The following RASEF variants were observed in gnomAD, a reference collection of about 807,000 sequenced individuals.
The protein encoded by RASEF is RAS and EF-hand domain containing, also known as ras and EF-hand domain-containing protein.
In RASEF, 68 loss-of-function variants were observed where a neutral mutation model predicts 90.1. That is an observed-to-expected ratio of 0.75 (90% CI 0.62 to 0.92). The LOEUF (loss-of-function observed/expected upper bound fraction) is 0.92, where lower values mean the gene tolerates loss of function less well. Ranked by LOEUF, RASEF falls within the 40% of genes least tolerant of loss-of-function variation. The pLI is 0.00. For synonymous variants in RASEF, 331 were observed against 345.2 expected, an observed-to-expected ratio of 0.96 and a Z score of 0.46; for missense variants, 949 against 937.2, an observed-to-expected ratio of 1.01 and a Z score of -0.16.
chr9:83,210,308 T>C, the RASEF span, among the ~76,000 whole-genome samples: 1 of 152,226 alleles, frequency 6.6e-6, no homozygotes, highest in African/African-American at 2.4e-5. Flanking sequence ...TTCTAGTACA[T>C]TTTAAATGGC....
At chr9:83,176,351 C>A in the RASEF span, among the ~76,000 whole-genome samples, 1 of 152,124 alleles carries the variant, frequency 6.6e-6, no homozygotes, top group Non-Finnish European at 1.5e-5. Context: ...ATAACTTTTT[C>A]ACCTTTTTAT....
chr9:83,216,494 G>T, the RASEF span, among the ~76,000 whole-genome samples: 2 of 152,170 alleles, frequency 1.3e-5, no homozygotes, highest in African/African-American at 2.4e-5. Context: ...ACGTGGTCTT[G>T]AGCCTGCGGG....
At chr9:83,200,010 A>G in the RASEF span, among the ~76,000 whole-genome samples, 1 of 152,182 alleles carries the variant, frequency 6.6e-6, no homozygotes, top group East Asian at 1.9e-4. Context: ...TTAAGTAAGA[A>G]AGTGGTAGAC....
chr9:83,126,537 A>G, the RASEF span, among the ~76,000 whole-genome samples: 7 of 152,196 alleles, frequency 4.6e-5, no homozygotes, highest in Admixed American at 2.0e-4. Flanking sequence ...AGGACAGACA[A>G]TTGTGAGTAT....
At chr9:83,000,135 A>C (rs1435569303) in intron 12 of RASEF, 34 bp downstream of exon 12, 2 of 1,599,912 alleles carry the variant, frequency 1.3e-6, no homozygotes, top group African/African-American at 1.3e-5. Context: ...AAGGAAGGTC[A>C]TTTTCCCATT....
At chr9:83,196,464 G>T in the RASEF span, among the ~76,000 whole-genome samples, 2 of 152,160 alleles carry the variant, frequency 1.3e-5, no homozygotes, top group Non-Finnish European at 2.9e-5. Context: ...CTCATCCACA[G>T]CAGCCTTGTA....
the RASEF span, among the ~76,000 whole-genome samples, chr9:83,121,846 C>A: frequency 6.6e-6 from 1 of 152,082 alleles, no homozygotes; most frequent in Non-Finnish European, 1.5e-5. Context: ...ACTCTGAAAT[C>A]CCATTATCTA....
the RASEF span, among the ~76,000 whole-genome samples, chr9:83,130,986 T>C: frequency 6.6e-6 from 1 of 152,226 alleles, no homozygotes; most frequent in Non-Finnish European, 1.5e-5. Context: ...CTTCAGGTTC[T>C]GGTTTTAGCT....
Position 83,000,943 on chromosome 9 carries a change from A to T in RASEF, c.1390T>A (p.Ser464Thr). 6.2e-7 allele frequency: 1 copy of T among 1,614,034 alleles called. No individual in the cohort carries two copies. Reference protein sequence around the residue: ...EYKHQRGFQRSHGVQESFGGD... With the variant: ...EYKHQRGFQRTHGVQESFGGD... ...CCAAAGCTCTCCTGCACCCCGTGTG[A>T]CCTCTGAAATCCCCTCTGGTGCTTG... The change falls in exon 10 of 17, where the codon TCA (serine) becomes ACA (threonine). Residue 464 changes from serine to threonine, a missense_variant. Physicochemically the swap from Ser to Thr is moderately conservative, Grantham distance 58 (BLOSUM62 1). Coordinates refer to ENST00000376447, the MANE Select transcript of RASEF (RefSeq NM_152573.4).
chr9:83,211,259 T>G, the RASEF span, among the ~76,000 whole-genome samples: 1 of 152,212 alleles, frequency 6.6e-6, no homozygotes, highest in Non-Finnish European at 1.5e-5. Flanking sequence ...AGGGCACATA[T>G]AGTAGGTTAT....
At chr9:83,089,109 T>C in the RASEF span, among the ~76,000 whole-genome samples, 3,152 of 152,140 alleles carry the variant, frequency 0.021, 88 homozygotes, top group African/African-American at 0.071. Context: ...TTGCAAGTAA[T>C]GCCTGAGCGT....
chr9:83,088,008 G>A, the RASEF span, among the ~76,000 whole-genome samples: 3 of 151,920 alleles, frequency 2.0e-5, no homozygotes, highest in Non-Finnish European at 4.4e-5. Context: ...TGACCCATTG[G>A]TTATTTAGGA....
In RASEF at chr9:82,982,684, T is replaced by C. The variant is rs748336904; in HGVS notation, c.2216A>G (p.Asn739Ser). ...GCCAAGGATGTTTGGGATTTAGCCA[T>C]TGCAACAATTCTTCATCTGTGGTGA... ...KKSPQMKNCC[N>S]G The change falls in exon 17 of 17, where the codon AAT becomes AGT. Residue 739 changes from asparagine to serine, a missense_variant. Physicochemically the swap from Asn to Ser is conservative, Grantham distance 46. Around this residue, in one of 3 missense-constraint regions of RASEF, gnomAD observed 288 missense variants for 328.4 expected, o/e 0.88. Transcript: ENST00000376447. The C allele has an allele frequency of 3.8e-6, 6 of 1,565,820 alleles. No homozygotes were observed. The highest frequency in any genetic ancestry group is 2.2e-5 in the South Asian group (2 of 90,152).
At chr9:83,205,661 A>G in the RASEF span, among the ~76,000 whole-genome samples, 1 of 152,120 alleles carries the variant, frequency 6.6e-6, no homozygotes, top group Non-Finnish European at 1.5e-5. Context: ...TGGAGTAGGC[A>G]TCTCTTCTTC....
intron 9 of RASEF, among the ~76,000 whole-genome samples, chr9:83,001,397 T>A (rs114271449): frequency 6.6e-6 from 1 of 152,166 alleles, no homozygotes. Context: ...TATTTCCTGA[T>A]ACAAAAAGAA....
At chr9:83,193,875 A>G in the RASEF span, among the ~76,000 whole-genome samples, 99,005 of 152,076 alleles carry the variant, frequency 0.65, 32,532 homozygotes, top group Non-Finnish European at 0.69. Flanking sequence ...GCCACATTCA[A>G]TAAAGCTCCC....
At chr9:83,047,038 G>A (rs17085989) in intron 1 of RASEF, among the ~76,000 whole-genome samples, 1,744 of 152,212 alleles carry the variant, frequency 0.011, 34 homozygotes, top group South Asian at 0.082. Flanking sequence ...TGATCACAGA[G>A]GGCATCAAGG....
At chr9:83,166,094 T>A in the RASEF span, among the ~76,000 whole-genome samples, 2 of 152,104 alleles carry the variant, frequency 1.3e-5, no homozygotes, top group African/African-American at 2.4e-5. Context: ...ACAGAGAAAA[T>A]ATACAAATCC....
intron 7 of RASEF, 36 bp from the exon 8 acceptor site, chr9:83,005,536 G>C (rs1829113886): frequency 6.7e-7 from 1 of 1,486,208 alleles, no homozygotes; most frequent in Admixed American, 1.7e-5. Flanking sequence ...AGAGAGACAA[G>C]GAAAGTATCA....
Sources: allele counts gnomAD v4.1 joint callset (sites outside exome capture counted in the v4.1 genomes callset), GRCh38; gene constraint gnomAD v4.1.1; regional missense constraint gnomAD v4.1.1; transcripts MANE v1.5; gene names NCBI Gene and HGNC (gene_info 2026-07-23, HGNC 2026-07-21).